Variants in SHISA9 observed in about 807,000 individuals in gnomAD.
SHISA9 encodes protein shisa-9.
Under a neutral mutation model 38.0 loss-of-function variants are expected in SHISA9, and 13 were observed. That is an observed-to-expected ratio of 0.34 (90% CI 0.22 to 0.54). SHISA9 has a LOEUF of 0.54. Ranked by LOEUF, SHISA9 falls within the 20% of genes least tolerant of loss-of-function variation. The probability of loss-of-function intolerance (pLI) is 0.91; values close to 1 mark genes in which losing one functional copy is unlikely to be tolerated. For missense variants in SHISA9, 538 were observed against 575.8 expected (o/e 0.93, Z 0.67); for synonymous variants, 275 against 242.0 (o/e 1.14, Z -1.27).
chr16:13,370,886 C>T, the SHISA9 span, among the ~76,000 whole-genome samples: 3 of 152,132 alleles, frequency 2.0e-5, no homozygotes, highest in Non-Finnish European at 4.4e-5. Context: ...ATAGCAAACA[C>T]TTATGAGCAC....
At chr16:13,023,014 TTTTA>T (rs144610339) in intron 2 of SHISA9, among the ~76,000 whole-genome samples, 30,492 of 152,000 alleles carry the variant, frequency 0.2, 4,065 homozygotes, top group Middle Eastern at 0.31. Context: ...TCTTTCTGTC[TTTTA>T]TTTATTTATT....
the SHISA9 span, among the ~76,000 whole-genome samples, chr16:13,408,746 A>G: frequency 6.6e-6 from 1 of 152,178 alleles, no homozygotes; most frequent in Non-Finnish European, 1.5e-5. Context: ...CTGTACGTAC[A>G]TTTCTACAGT....
intron 2 of SHISA9, among the ~76,000 whole-genome samples, chr16:13,182,230 T>C (rs754037238): frequency 1.5e-4 from 23 of 152,164 alleles, no homozygotes; most frequent in Non-Finnish European, 3.1e-4. Context: ...AAAATAAGTG[T>C]CATTATTCTT....
the SHISA9 span, among the ~76,000 whole-genome samples, chr16:13,443,828 C>A: frequency 1.3e-5 from 2 of 152,074 alleles, no homozygotes; most frequent in East Asian, 1.9e-4. Context: ...TTTTTTCTCC[C>A]CCTTGACATT....
intron 2 of SHISA9, among the ~76,000 whole-genome samples, chr16:12,923,143 A>C (rs2071348803): frequency 6.6e-6 from 1 of 152,204 alleles, no homozygotes; most frequent in African/African-American, 2.4e-5. Context: ...AGATACTCTC[A>C]TTTGATGAAT....
chr16:13,350,990 G>C, the SHISA9 span, among the ~76,000 whole-genome samples: 1 of 152,122 alleles, frequency 6.6e-6, no homozygotes, highest in Non-Finnish European at 1.5e-5. Flanking sequence ...AGGTTTTCCC[G>C]AACAGTAAAT....
At chr16:13,012,133 T>G (rs2072685220) in intron 2 of SHISA9, among the ~76,000 whole-genome samples, 1 of 152,022 alleles carries the variant, frequency 6.6e-6, no homozygotes, top group Non-Finnish European at 1.5e-5. Flanking sequence ...GCCCTTTTTT[T>G]TTTCTTATTT....
At chr16:13,191,872 T>C (rs2050888742) in intron 2 of SHISA9, among the ~76,000 whole-genome samples, 1 of 152,154 alleles carries the variant, frequency 6.6e-6, no homozygotes, top group Admixed American at 6.5e-5. Context: ...TAGAATTTTA[T>C]ACAAAAAAGA....
At chr16:13,479,035 A>G in the SHISA9 span, among the ~76,000 whole-genome samples, 3 of 152,150 alleles carry the variant, frequency 2.0e-5, no homozygotes, top group African/African-American at 7.2e-5. Flanking sequence ...AATTATTTTC[A>G]TGGGGTGAAA....
At chr16:13,321,045 A>G in the SHISA9 span, among the ~76,000 whole-genome samples, 3 of 152,314 alleles carry the variant, frequency 2.0e-5, no homozygotes, top group East Asian at 5.8e-4. Context: ...TAAATTTTTG[A>G]CTTTATCTAA....
At position 13,028,445 on chromosome 16, in the gene SHISA9, A is replaced by G. The variant is rs187366597; in HGVS notation, c.691+111630A>G. 1.3e-3 allele frequency among the ~76,000 whole-genome samples: 191 copies of G among 152,230 alleles called. 1 individual carries two copies. The highest frequency in any genetic ancestry group is 4.4e-3 in the African/African-American group (181 of 41,554). On this transcript the variant is annotated intron_variant, in intron 2 of 4. Transcript: ENST00000558583. ...TGGGGAGGCCTCACAATCATGGTGG[A>G]AGGTGAAAGACACGTCTTACATGGT...
intron 2 of SHISA9, among the ~76,000 whole-genome samples, chr16:13,075,788 G>A (rs1274273842): frequency 6.6e-6 from 1 of 152,162 alleles, no homozygotes; most frequent in Non-Finnish European, 1.5e-5. Flanking sequence ...CACACAGCTG[G>A]TAAGACAGAA....
At chr16:13,372,930 G>T in the SHISA9 span, among the ~76,000 whole-genome samples, 7 of 125,584 alleles carry the variant, frequency 5.6e-5, no homozygotes, top group Non-Finnish European at 8.5e-5. Context: ...ACTGTTTAGT[G>T]TATGTACCTC....
At chr16:13,152,708 G>A (rs1279960676) in intron 2 of SHISA9, among the ~76,000 whole-genome samples, 1 of 152,130 alleles carries the variant, frequency 6.6e-6, no homozygotes, top group Non-Finnish European at 1.5e-5. Context: ...GGCAAGGATG[G>A]AACACCCAGT....
At chr16:13,082,016 A>G (rs190935502) in intron 2 of SHISA9, among the ~76,000 whole-genome samples, 2 of 152,256 alleles carry the variant, frequency 1.3e-5, no homozygotes, top group Non-Finnish European at 2.9e-5. Flanking sequence ...TCTTTTCAAT[A>G]TTTCACCTTA....
chr16:13,204,152 A>G (rs982686461), intron 3 of SHISA9, among the ~76,000 whole-genome samples: 4 of 149,526 alleles, frequency 2.7e-5, no homozygotes, highest in African/African-American at 9.9e-5. Flanking sequence ...CTATCTATCT[A>G]TCTATCTATC....
At chr16:13,032,172 C>T (rs1009858756) in intron 2 of SHISA9, among the ~76,000 whole-genome samples, 6 of 152,128 alleles carry the variant, frequency 3.9e-5, no homozygotes, top group Admixed American at 2.6e-4. Context: ...TTTCCCTCCT[C>T]TTGCCCCCAC....
intron 2 of SHISA9, among the ~76,000 whole-genome samples, chr16:12,995,365 A>G (rs2072445373): frequency 1.3e-5 from 2 of 152,106 alleles, no homozygotes; most frequent in African/African-American, 4.8e-5. Flanking sequence ...CTTGAACTTT[A>G]ATGTGATTTG....
intron 2 of SHISA9, among the ~76,000 whole-genome samples, chr16:12,922,292 T>A (rs868311975): frequency 3.3e-5 from 5 of 152,242 alleles, no homozygotes. Flanking sequence ...TACTACATGG[T>A]TTGAATATAT....
Sources: gnomAD v4.1 joint callset for allele counts (sites outside exome capture counted in the v4.1 genomes callset) on GRCh38, gnomAD v4.1.1 for gene constraint, MANE v1.5 for transcripts, NCBI Gene and HGNC (gene_info 2026-07-23, HGNC 2026-07-21) for gene names.